The following DGKI variants were observed in gnomAD, a reference collection of about 807,000 sequenced individuals.
DGKI encodes diacylglycerol kinase iota, also known as DAG kinase iota.
DGKI carries 55 observed loss-of-function variants against 147.5 expected under a neutral mutation model. The ratio of observed to expected loss-of-function variants is 0.37; its 90% CI spans 0.30 to 0.47. The LOEUF is 0.47. Ranked by LOEUF, DGKI falls within the 20% of genes least tolerant of loss-of-function variation. DGKI has a pLI of 1.00. For synonymous variants in DGKI, 469 were observed against 477.1 expected, an observed-to-expected ratio of 0.98 and a Z score of 0.22; for missense variants, 1,007 against 1,323.8, an observed-to-expected ratio of 0.76 and a Z score of 3.71.
chr7:137,491,422 C>G (rs1005849138), intron 21 of DGKI, among the ~76,000 whole-genome samples: 2 of 152,132 alleles, frequency 1.3e-5, no homozygotes, highest in Non-Finnish European at 2.9e-5. Context: ...TCTGACAAAA[C>G]CATGAGGAAA....
intron 27 of DGKI, among the ~76,000 whole-genome samples, chr7:137,445,281 T>C (rs1256486787): frequency 6.6e-6 from 1 of 152,202 alleles, no homozygotes; most frequent in Non-Finnish European, 1.5e-5. Flanking sequence ...GAAAAGGCCT[T>C]GAACCTCAAT....
intron 1 of DGKI, among the ~76,000 whole-genome samples, chr7:137,759,083 A>G (rs1406594399): frequency 2.6e-5 from 4 of 152,176 alleles, no homozygotes; most frequent in Non-Finnish European, 4.4e-5. Context: ...ATTGTACCCA[A>G]CAGGTAATTT....
chr7:137,397,294 G>A lies in DGKI; in HGVS notation c.2957+83C>T, dbSNP rs759319113. On this transcript the variant is annotated intron_variant, in intron 31 of 32. Transcript: ENST00000614521. Reference sequence around the variant, plus strand: ...AATTAATTAAGTTAAAATTACCTATGATATGCTCTATAGATTACATTCTTC... The same window carrying A: ...AATTAATTAAGTTAAAATTACCTATAATATGCTCTATAGATTACATTCTTC... The A allele has an allele frequency of 5.8e-4, 767 of 1,314,694 alleles. 6 individuals are homozygous for A. Among genetic ancestry groups the A allele is most frequent in the Middle Eastern group, 2.0e-4 (1 of 4,978 alleles). The allele number at this position is 1,314,694 out of a possible 1,614,324, so 81.4% of individuals were successfully genotyped here.
chr7:137,730,452 A>T (rs1350441445), intron 1 of DGKI, among the ~76,000 whole-genome samples: 1 of 151,866 alleles, frequency 6.6e-6, no homozygotes, highest in Non-Finnish European at 1.5e-5. Context: ...TCTCTACACT[A>T]CCTTGGTTCA....
At position 137,774,050 on chromosome 7, in the gene DGKI, T is replaced by A. The variant is rs149811635; in HGVS notation, c.401+72412A>T. On this transcript the variant is annotated intron_variant, in intron 1 of 32. Coordinates refer to ENST00000614521, the MANE Select transcript of DGKI (RefSeq NM_001321708.2). ...TAACAAACAAATAAGCAAGTCTGCC[T>A]CAATGAGAAGGCACCAAACTTTTTC... 5.9e-3 allele frequency among the ~76,000 whole-genome samples: 906 copies of A among 152,348 alleles called. 14 individuals are homozygous for A. The highest frequency in any genetic ancestry group is 0.02 in the African/African-American group (811 of 41,586).
intron 22 of DGKI, among the ~76,000 whole-genome samples, chr7:137,486,439 C>T (rs1253989886): frequency 6.6e-6 from 1 of 151,922 alleles, no homozygotes; most frequent in Non-Finnish European, 1.5e-5. Context: ...CAGCAAAATA[C>T]AAACATTATT....
At chr7:137,619,754 G>A (rs1015032565) in intron 8 of DGKI, 70 bp downstream of exon 8, 1 of 1,218,216 alleles carries the variant, frequency 8.2e-7, no homozygotes, top group African/African-American at 1.5e-5. Context: ...CTAGTCTGGG[G>A]AGAAAAGCAC....
intron 3 of DGKI, among the ~76,000 whole-genome samples, chr7:137,662,181 G>A (rs10267021): frequency 0.15 from 22,992 of 151,360 alleles, 5,239 homozygotes; most frequent in African/African-American, 0.5. Context: ...TTTCTTCAAA[G>A]GAATATAGAA....
intron 28 of DGKI, among the ~76,000 whole-genome samples, chr7:137,435,381 C>T (rs1420146348): frequency 2.0e-5 from 3 of 152,076 alleles, no homozygotes; most frequent in Non-Finnish European, 4.4e-5. Context: ...GGTTCCAAGA[C>T]ACGGAAATTA....
intron 4 of DGKI, 38 bp downstream of exon 4, chr7:137,656,428 G>A (rs1563135206): frequency 6.2e-7 from 1 of 1,608,222 alleles, no homozygotes; most frequent in Admixed American, 1.7e-5. Context: ...CCAAATACTT[G>A]CAATGTAACA....
intron 21 of DGKI, among the ~76,000 whole-genome samples, chr7:137,516,163 T>C (rs901847442): frequency 2.0e-5 from 3 of 152,122 alleles, no homozygotes; most frequent in African/African-American, 7.2e-5. Flanking sequence ...TCAGTGTTTT[T>C]AGCAAACTCT....
intron 1 of DGKI, among the ~76,000 whole-genome samples, chr7:137,719,586 A>G (rs1459956912): frequency 6.6e-6 from 1 of 152,094 alleles, no homozygotes; most frequent in Non-Finnish European, 1.5e-5. Flanking sequence ...CTTCAGCACC[A>G]CGCTGCCCAA....
At chr7:137,543,604 T>G (rs571463335) in intron 20 of DGKI, among the ~76,000 whole-genome samples, 63 of 152,134 alleles carry the variant, frequency 4.1e-4, no homozygotes, top group Admixed American at 7.2e-4. Context: ...AAGAGCAGCA[T>G]AAAGAGAGGG....
Position 137,773,275 on chromosome 7 carries a change from G to A in DGKI, c.401+73187C>T, listed in dbSNP as rs540222937. Among the ~76,000 whole-genome samples the A allele has an allele frequency of 2.6e-4, 39 of 152,288 alleles. No individual in the cohort carries two copies. The South Asian group carries it at 6.6e-3, about 26-fold the overall frequency. On this transcript the variant is annotated intron_variant, in intron 1 of 32. Coordinates refer to ENST00000614521, the MANE Select transcript of DGKI (RefSeq NM_001321708.2). ...GGTACCACACGTATAGCACGGAAGG[G>A]TAGGAAAAACTCTGCAAAGACATGA... is the stretch of plus-strand genomic sequence containing the variant.
intron 1 of DGKI, among the ~76,000 whole-genome samples, chr7:137,805,931 C>A (rs1236158542): frequency 6.6e-6 from 1 of 152,200 alleles, no homozygotes; most frequent in Non-Finnish European, 1.5e-5. Context: ...TTGGAGTGGT[C>A]TGAACAAAGC....
In DGKI at chr7:137,552,370, C is replaced by G; in HGVS notation, c.2146G>C (p.Asp716His). ...KRRTSMPLLN[D>H]PQSVPDRLRI... ...AAGGTAGGCCATGAGCAGACTCACT[C>G]ATTGAGTAAAGGCATGGATGTTCTC... Residue 716 changes from aspartate to histidine, a missense_variant and splice_region_variant, in exon 20 of 33, where the codon GAT becomes CAT. By Grantham distance (81) the Asp-to-His change is moderately conservative. This residue lies in a region of DGKI where 385 missense variants were observed against 445.2 expected (regional missense o/e 0.86). Transcript: ENST00000614521. The G allele has an allele frequency of 6.2e-7, 1 of 1,612,802 alleles. No individual in the cohort carries two copies. Among genetic ancestry groups the G allele is most frequent in the Non-Finnish European group, 8.5e-7 (1 of 1,179,992 alleles).
intron 1 of DGKI, among the ~76,000 whole-genome samples, chr7:137,807,144 T>G (rs1428898710): frequency 6.6e-6 from 1 of 152,244 alleles, no homozygotes; most frequent in Non-Finnish European, 1.5e-5. Flanking sequence ...AGTCTATCTG[T>G]GAAGACCCAA....
At chr7:137,787,823 T>C (rs1035006402) in intron 1 of DGKI, among the ~76,000 whole-genome samples, 1 of 152,022 alleles carries the variant, frequency 6.6e-6, no homozygotes, top group African/African-American at 2.4e-5. Context: ...TGGATGAAAC[T>C]GGACACTATT....
intron 28 of DGKI, among the ~76,000 whole-genome samples, chr7:137,434,697 G>A (rs4728416): frequency 0.43 from 64,525 of 151,576 alleles, 14,288 homozygotes; most frequent in East Asian, 0.75. Context: ...AGAAAAACCA[G>A]AACAATCAAA....
Sources: allele counts gnomAD v4.1 joint callset (sites outside exome capture counted in the v4.1 genomes callset), GRCh38; gene constraint gnomAD v4.1.1; regional missense constraint gnomAD v4.1.1; transcripts MANE v1.5; gene names NCBI Gene and HGNC (gene_info 2026-07-23, HGNC 2026-07-21).